The following ADAMTS6 variants were observed in gnomAD, a reference collection of about 807,000 sequenced individuals.
ADAMTS6 encodes A disintegrin and metalloproteinase with thrombospondin motifs 6.
Under a neutral mutation model 144.3 loss-of-function variants are expected in ADAMTS6, and 23 were observed. The observed-to-expected ratio is 0.16, with a 90% CI of 0.11 to 0.23. The LOEUF (loss-of-function observed/expected upper bound fraction) is 0.23, where lower values mean the gene tolerates loss of function less well. ADAMTS6 is among the 10% of genes least tolerant of loss of function. The pLI, the probability that ADAMTS6 is intolerant of heterozygous loss-of-function variation, is 1.00. For synonymous variants in ADAMTS6, 444 were observed against 457.5 expected (o/e 0.97, Z 0.38); for missense variants, 999 against 1,379.6 (o/e 0.72, Z 4.37).
intron 9 of ADAMTS6, among the ~76,000 whole-genome samples, chr5:65,321,634 T>C (rs962817809): frequency 6.6e-6 from 1 of 151,938 alleles, no homozygotes. Context: ...TCCTGAATTG[T>C]ATTGCCTAGG....
chr5:65,335,560 T>G (rs903266161), intron 7 of ADAMTS6, among the ~76,000 whole-genome samples: 1 of 152,136 alleles, frequency 6.6e-6, no homozygotes, highest in Non-Finnish European at 1.5e-5. Context: ...ATAGAATCTA[T>G]TTCTAAACCT....
chr5:65,391,811 C>T (rs552561046), intron 7 of ADAMTS6, among the ~76,000 whole-genome samples: 45 of 151,892 alleles, frequency 3.0e-4, no homozygotes, highest in African/African-American at 1.0e-3. Context: ...TCTTGGCTCA[C>T]TGCAACATCT....
chr5:65,346,379 TATG>T (rs1561449038), intron 7 of ADAMTS6, among the ~76,000 whole-genome samples: 1 of 151,850 alleles, frequency 6.6e-6, no homozygotes, highest in Non-Finnish European at 1.5e-5. Flanking sequence ...ACAAAAATCA[TATG>T]ATCATCTCAA....
At chr5:65,398,136 T>C (rs1384673696) in intron 7 of ADAMTS6, among the ~76,000 whole-genome samples, 2 of 152,240 alleles carry the variant, frequency 1.3e-5, no homozygotes, top group Non-Finnish European at 2.9e-5. Context: ...ATATCAATCA[T>C]ATCCAGCTGA....
rs907429146 is a variant in ADAMTS6, at chr5:65,311,184, T to C, written c.1224-11053A>G. ...CTATCTGCTGACTAACTGTAAACCA[T>C]GAGAGGCAGAATTTTGGAAGCATCA... is the stretch of plus-strand genomic sequence containing the variant. On this transcript the variant is annotated intron_variant, in intron 9 of 24. Coordinates refer to ENST00000381055, the MANE Select transcript of ADAMTS6 (RefSeq NM_197941.4). Among the ~76,000 whole-genome samples, 7 of 152,112 alleles carry C rather than the reference T, an allele frequency of 4.6e-5. No homozygotes were observed. In the East Asian group the frequency reaches 7.7e-4, roughly 17 times the overall value.
intron 10 of ADAMTS6, among the ~76,000 whole-genome samples, chr5:65,294,976 T>C (rs1388187353): frequency 6.6e-6 from 1 of 152,152 alleles, no homozygotes; most frequent in Admixed American, 6.5e-5. Flanking sequence ...TAGTCTTTTG[T>C]AACTTTATTC....
At chr5:65,406,360 G>A (rs898254231) in intron 7 of ADAMTS6, among the ~76,000 whole-genome samples, 6 of 151,766 alleles carry the variant, frequency 4.0e-5, no homozygotes, top group Non-Finnish European at 7.4e-5. Context: ...GCATGAAGGG[G>A]TGTTGAATTT....
At chr5:65,376,667 C>G (rs1290065105) in intron 7 of ADAMTS6, among the ~76,000 whole-genome samples, 1 of 151,756 alleles carries the variant, frequency 6.6e-6, no homozygotes, top group Non-Finnish European at 1.5e-5. Flanking sequence ...CCCATCTCCA[C>G]AAAAAATACA....
intron 7 of ADAMTS6, among the ~76,000 whole-genome samples, chr5:65,380,240 G>A (rs1751923599): frequency 6.6e-6 from 1 of 151,886 alleles, no homozygotes. Flanking sequence ...AGTACATACG[G>A]AATTAACAAC....
intron 9 of ADAMTS6, among the ~76,000 whole-genome samples, chr5:65,311,102 T>C (rs970619482): frequency 6.6e-6 from 1 of 152,162 alleles, no homozygotes; most frequent in African/African-American, 2.4e-5. Flanking sequence ...AGTAAATCTC[T>C]GGAATTAGGT....
rs188007310 is a variant in ADAMTS6, at chr5:65,393,309, A to T, written c.1073+58166T>A. ...AAATGTGTACCCCTAAAACTGTTTT[A>T]TTGCAATCATATTTCTTTAACATAA... On this transcript the variant is annotated intron_variant, in intron 7 of 24. Transcript: ENST00000381055. Among the ~76,000 whole-genome samples, 605 of 152,300 alleles carry T rather than the reference A, an allele frequency of 4.0e-3. 4 individuals are homozygous for T. The highest frequency in any genetic ancestry group is 5.8e-3 in the Admixed American group (89 of 15,298).
chr5:65,278,882 A>C (rs1007532790), intron 11 of ADAMTS6, among the ~76,000 whole-genome samples: 1 of 151,202 alleles, frequency 6.6e-6, no homozygotes, highest in African/African-American at 2.4e-5. Flanking sequence ...TCGTCATTTG[A>C]CTTCTGTGGA....
At chr5:65,240,911 A>T (rs1759120577) in intron 15 of ADAMTS6, among the ~76,000 whole-genome samples, 1 of 152,222 alleles carries the variant, frequency 6.6e-6, no homozygotes, top group East Asian at 1.9e-4. Flanking sequence ...AGCATAGTTA[A>T]AATTTTGCAT....
At chr5:65,383,805 A>G (rs1752253036) in intron 7 of ADAMTS6, among the ~76,000 whole-genome samples, 2 of 151,834 alleles carry the variant, frequency 1.3e-5, no homozygotes, top group South Asian at 2.1e-4. Context: ...GACTCCCCTC[A>G]TAGCAATTCT....
At chr5:65,370,418 G>A (rs1377575857) in intron 7 of ADAMTS6, among the ~76,000 whole-genome samples, 1 of 152,156 alleles carries the variant, frequency 6.6e-6, no homozygotes, top group East Asian at 1.9e-4. Context: ...GTGGGTGCGC[G>A]CACCATGCGT....
intron 3 of ADAMTS6, among the ~76,000 whole-genome samples, chr5:65,461,159 C>T (rs1759616654): frequency 6.6e-6 from 1 of 152,152 alleles, no homozygotes; most frequent in Non-Finnish European, 1.5e-5. Flanking sequence ...GTTATCTCTC[C>T]TCTTTAAAAA....
At chr5:65,333,611 T>C (rs1336365810) in intron 8 of ADAMTS6, among the ~76,000 whole-genome samples, 2 of 148,644 alleles carry the variant, frequency 1.3e-5, no homozygotes, top group Non-Finnish European at 3.0e-5. Flanking sequence ...CTTAGTTGTG[T>C]TTTTTTTTTC....
intron 7 of ADAMTS6, among the ~76,000 whole-genome samples, chr5:65,407,546 T>C (rs1263990841): frequency 7.3e-6 from 1 of 136,434 alleles, no homozygotes; most frequent in Non-Finnish European, 1.6e-5. Flanking sequence ...TGTCCATGTG[T>C]TCTCATTGTC....
At chr5:65,261,700 A>G (rs1317417780) in intron 13 of ADAMTS6, among the ~76,000 whole-genome samples, 1 of 152,150 alleles carries the variant, frequency 6.6e-6, no homozygotes, top group Non-Finnish European at 1.5e-5. Context: ...CAAAAACAAG[A>G]TAGTGGGGAT....
Sources: allele counts gnomAD v4.1 joint callset (sites outside exome capture counted in the v4.1 genomes callset), GRCh38; gene constraint gnomAD v4.1.1; transcripts MANE v1.5; gene names NCBI Gene and HGNC (gene_info 2026-07-23, HGNC 2026-07-21).